SEMA6D: variants seen among roughly 807,000 people sequenced by gnomAD.
SEMA6D encodes semaphorin-6D.
SEMA6D carries 35 observed loss-of-function variants against 106.6 expected under a neutral mutation model. That is an observed-to-expected ratio of 0.33 (90% confidence interval 0.25 to 0.44). The LOEUF is 0.44. Among genes scored for constraint, SEMA6D ranks in the 20% least tolerant of loss-of-function variants. The probability of loss-of-function intolerance (pLI) is 1.00; values close to 1 mark genes in which losing one functional copy is unlikely to be tolerated. For synonymous variants in SEMA6D, 499 were observed against 487.7 expected (o/e 1.02, Z -0.31); for missense variants, 1,185 against 1,345.9 (o/e 0.88, Z 1.87).
chr15:47,657,719 CTT>C (rs71118191), intron 4 of SEMA6D, among the ~76,000 whole-genome samples: 1 of 54,676 alleles, frequency 1.8e-5, no homozygotes, highest in African/African-American at 8.5e-5. Context: ...GGCTTCATTT[CTT>C]TTTTTTTTTT....
chr15:47,262,383 G>A (rs1598261), intron 1 of SEMA6D, among the ~76,000 whole-genome samples: 123,419 of 152,038 alleles, frequency 0.81, 52,982 homozygotes, highest in Non-Finnish European at 0.94. Flanking sequence ...ATTGGCTCAC[G>A]GTTCCATATG....
intron 1 of SEMA6D, among the ~76,000 whole-genome samples, chr15:47,301,282 C>A (rs2036006596): frequency 6.6e-6 from 1 of 152,204 alleles, no homozygotes; most frequent in African/African-American, 2.4e-5. Flanking sequence ...ACAGCTAGAT[C>A]TCCATTCCCC....
At position 47,274,205 on chromosome 15, in the gene SEMA6D, A is replaced by C. The variant is rs1053991626; in HGVS notation, c.-239+89787A>C. 29 of 152,158 alleles carry C rather than the reference A, an allele frequency of 1.9e-4. 1 individual carries two copies. The highest frequency in any genetic ancestry group is 7.0e-4 in the African/African-American group (29 of 41,438). 9.4% of individuals were successfully genotyped at this position (152,158 alleles called of 1,614,324 possible). A position where few individuals can be genotyped will look rare whatever the true frequency, so the allele number is the denominator to read the frequency against. On this transcript the variant is annotated intron_variant, in intron 1 of 19. Coordinates refer to the SEMA6D transcript ENST00000558014. The stretch of plus-strand genomic sequence containing the variant: ...TTTAAGATGCTCAGCAAAAGAAGGG[A>C]AGCTTGAGATTTGAGAGAAAAGGGA...
At chr15:47,354,520 T>TTATA (rs58476338) in intron 1 of SEMA6D, among the ~76,000 whole-genome samples, 2 of 148,076 alleles carry the variant, frequency 1.4e-5, no homozygotes, top group African/African-American at 4.9e-5. Context: ...TGGATATTAT[T>TTATA]TATATATATA....
intron 3 of SEMA6D, among the ~76,000 whole-genome samples, chr15:47,596,703 G>A (rs374947140): frequency 6.6e-6 from 1 of 152,026 alleles, no homozygotes; most frequent in Non-Finnish European, 1.5e-5. Context: ...TTAACAAAGA[G>A]TGTTGGGAAA....
chr15:47,340,954 G>T (rs960379505), intron 1 of SEMA6D, among the ~76,000 whole-genome samples: 1 of 152,118 alleles, frequency 6.6e-6, no homozygotes, highest in East Asian at 1.9e-4. Flanking sequence ...AGAATAAGTA[G>T]AATTTTTAAC....
intron 2 of SEMA6D, among the ~76,000 whole-genome samples, chr15:47,459,628 G>A (rs909036258): frequency 6.6e-6 from 1 of 151,806 alleles, no homozygotes; most frequent in East Asian, 1.9e-4. Context: ...CTAAATTTGA[G>A]GTGTTTACAA....
chr15:47,223,515 T>C (rs538754822), intron 1 of SEMA6D, among the ~76,000 whole-genome samples: 1 of 152,076 alleles, frequency 6.6e-6, no homozygotes, highest in Admixed American at 6.6e-5. Flanking sequence ...TTCTTTTTTT[T>C]ATTGAAGTCA....
At chr15:47,413,199 G>GA (rs2040855668) in intron 2 of SEMA6D, among the ~76,000 whole-genome samples, 1 of 151,882 alleles carries the variant, frequency 6.6e-6, no homozygotes, top group African/African-American at 2.4e-5. Flanking sequence ...ATATAATATT[G>GA]AAAAAAGTAA....
intron 1 of SEMA6D, among the ~76,000 whole-genome samples, chr15:47,270,914 GA>G: frequency 6.6e-6 from 1 of 151,854 alleles, no homozygotes; most frequent in Admixed American, 6.6e-5. Context: ...AGAATTGCTT[GA>G]ACCCGGGCAA....
At chr15:47,477,762 T>C (rs2043041879) in intron 3 of SEMA6D, among the ~76,000 whole-genome samples, 1 of 152,152 alleles carries the variant, frequency 6.6e-6, no homozygotes. Flanking sequence ...TGCAGTGTAC[T>C]TCATTGGTAA....
chr15:47,249,716 A>G (rs1394353186), intron 1 of SEMA6D, among the ~76,000 whole-genome samples: 1 of 152,180 alleles, frequency 6.6e-6, no homozygotes, highest in Non-Finnish European at 1.5e-5. Flanking sequence ...AATCTTGAGA[A>G]ACATGATGAA....
intron 1 of SEMA6D, among the ~76,000 whole-genome samples, chr15:47,325,622 A>G (rs371895490): frequency 8.6e-5 from 13 of 152,042 alleles, no homozygotes; most frequent in African/African-American, 2.9e-4. Flanking sequence ...TCCCATTTAA[A>G]TCTCCTTTAT....
intron 1 of SEMA6D, among the ~76,000 whole-genome samples, chr15:47,273,959 C>G (rs943395356): frequency 6.6e-6 from 1 of 152,058 alleles, no homozygotes; most frequent in Non-Finnish European, 1.5e-5. Context: ...CAGAACATCT[C>G]TTTGGTATGG....
intron 1 of SEMA6D, among the ~76,000 whole-genome samples, chr15:47,750,808 G>T (rs2081388364): frequency 6.6e-6 from 1 of 152,208 alleles, no homozygotes; most frequent in Non-Finnish European, 1.5e-5. Context: ...TCTCCTCATG[G>T]CCCACAGCGA....
intron 1 of SEMA6D, among the ~76,000 whole-genome samples, chr15:47,269,037 A>G (rs1464749280): frequency 1.3e-5 from 2 of 152,180 alleles, no homozygotes; most frequent in Non-Finnish European, 2.9e-5. Flanking sequence ...GCATACATTG[A>G]GTAGTAAGCT....
At chr15:47,353,544 G>T (rs1227700964) in intron 1 of SEMA6D, among the ~76,000 whole-genome samples, 6 of 152,118 alleles carry the variant, frequency 3.9e-5, no homozygotes, top group Admixed American at 3.9e-4. Context: ...AGAATTCTAT[G>T]ATTTCATCCA....
At chr15:47,385,567 A>G (rs755314506) in intron 1 of SEMA6D, among the ~76,000 whole-genome samples, 5 of 152,196 alleles carry the variant, frequency 3.3e-5, no homozygotes, top group Non-Finnish European at 7.3e-5. Context: ...CTGTGTGTTC[A>G]TACGCATCTG....
rs2043907618 is a variant in SEMA6D, at chr15:47,503,057, C to G, written c.-87+32512C>G. On this transcript the variant is annotated intron_variant, in intron 3 of 19. Coordinates refer to the SEMA6D transcript ENST00000558014. ...TGGTGTCCACTTTATTAACTATACA[C>G]TATCTTATACTTGCTTTTTTCAAGT... Among the ~76,000 whole-genome samples the G allele has an allele frequency of 3.9e-5, 6 of 152,216 alleles. No homozygotes were observed. The South Asian group carries it at 1.2e-3, about 32-fold the overall frequency.
Sources: allele counts gnomAD v4.1 joint callset (sites outside exome capture counted in the v4.1 genomes callset), GRCh38; gene constraint gnomAD v4.1.1; transcripts MANE v1.5; gene names NCBI Gene and HGNC (gene_info 2026-07-23, HGNC 2026-07-21).